Variants in RP1 observed in about 807,000 individuals in gnomAD.
RP1 encodes oxygen-regulated protein 1.
Under a neutral mutation model 14.8 loss-of-function variants are expected in RP1, and 16 were observed. The ratio of observed to expected loss-of-function variants is 1.08; its 90% CI spans 0.73 to 1.65. The LOEUF is 1.65. Among genes scored for constraint, RP1 ranks in the 40% most tolerant of loss-of-function variants. The pLI is 0.00. For missense variants in RP1, 2,631 were observed against 2,535.0 expected (o/e 1.04, Z -0.81); for synonymous variants, 876 against 883.6 (o/e 0.99, Z 0.15).
intron 3 of RP1, among the ~76,000 whole-genome samples, chr8:54,641,816 G>C (rs986659959): frequency 7.9e-5 from 12 of 152,134 alleles, no homozygotes; most frequent in African/African-American, 2.9e-4. Flanking sequence ...TCTCCTAAAG[G>C]CCATGTGAGG....
chr8:54,783,245 A>G (rs1810232662), intron 23 of RP1, among the ~76,000 whole-genome samples: 1 of 151,978 alleles, frequency 6.6e-6, no homozygotes, highest in Non-Finnish European at 1.5e-5. Flanking sequence ...GCCTAAATAA[A>G]CTCCTAAGTA....
intron 16 of RP1, among the ~76,000 whole-genome samples, chr8:54,724,157 A>G (rs1392038891): frequency 1.3e-5 from 2 of 152,228 alleles, no homozygotes; most frequent in Non-Finnish European, 2.9e-5. Context: ...AAATACTGTC[A>G]TATATCCAAT....
intron 24 of RP1, among the ~76,000 whole-genome samples, chr8:54,793,307 G>C (rs2129385518): frequency 6.6e-6 from 1 of 151,904 alleles, no homozygotes; most frequent in East Asian, 1.9e-4. Context: ...AAAGTGGAGG[G>C]AATACTTCCA....
intron 3 of RP1, among the ~76,000 whole-genome samples, chr8:54,641,615 A>T (rs1806456219): frequency 6.6e-6 from 1 of 152,162 alleles, no homozygotes; most frequent in South Asian, 2.1e-4. Flanking sequence ...TTGTATATTT[A>T]AGCTTTTTTG....
chr8:54,595,784 G>C, intron 1 of RP1, among the ~76,000 whole-genome samples: 1 of 152,160 alleles, frequency 6.6e-6, no homozygotes, highest in Non-Finnish European at 1.5e-5. Context: ...GAGGATAGCT[G>C]TATTTACTAT....
intron 19 of RP1, among the ~76,000 whole-genome samples, chr8:54,753,731 C>A (rs2129366260): frequency 6.6e-6 from 1 of 151,962 alleles, no homozygotes; most frequent in African/African-American, 2.4e-5. Flanking sequence ...GTAGGAAGGA[C>A]TGTTGAAAAA....
chr8:54,834,475 T>G (rs995349167), intron 24 of RP1, among the ~76,000 whole-genome samples: 2 of 152,042 alleles, frequency 1.3e-5, no homozygotes, highest in Non-Finnish European at 2.9e-5. Flanking sequence ...GACCCCTGTT[T>G]AGTTTCAGAA....
exon 6 of RP1, chr8:54,656,181 T>A (rs1043356785): frequency 3.9e-6 from 6 of 1,535,828 alleles, no homozygotes; most frequent in Non-Finnish European, 5.2e-6. Flanking sequence ...GTCGAGAATT[T>A]CCTCTTTTAA....
At chr8:54,609,632 G>C (rs2129309276) in intron 1 of RP1, among the ~76,000 whole-genome samples, 1 of 152,204 alleles carries the variant, frequency 6.6e-6, no homozygotes, top group East Asian at 1.9e-4. Context: ...CTATTTCACA[G>C]CTTCTCCTGT....
At chr8:54,602,446 T>A (rs1805315307) in intron 1 of RP1, among the ~76,000 whole-genome samples, 1 of 152,230 alleles carries the variant, frequency 6.6e-6, no homozygotes, top group South Asian at 2.1e-4. Context: ...TTGTTGGACA[T>A]TTGGGTTGGT....
At chr8:54,714,673 GTAA>G (rs1808361917) in intron 15 of RP1, among the ~76,000 whole-genome samples, 1 of 152,144 alleles carries the variant, frequency 6.6e-6, no homozygotes. Context: ...GTTAATCTGA[GTAA>G]TAATAAAACT....
At chr8:54,668,521 A>G (rs185435531) in intron 7 of RP1, among the ~76,000 whole-genome samples, 1 of 152,322 alleles carries the variant, frequency 6.6e-6, no homozygotes, top group East Asian at 1.9e-4. Context: ...AATGGAAAAT[A>G]CTACCTTCAA....
intron 21 of RP1, among the ~76,000 whole-genome samples, chr8:54,756,132 A>G (rs1809499927): frequency 6.6e-6 from 1 of 152,254 alleles, no homozygotes; most frequent in African/African-American, 2.4e-5. Flanking sequence ...AAATGCCATT[A>G]TACTATATTT....
intron 14 of RP1, among the ~76,000 whole-genome samples, chr8:54,706,194 C>A (rs1323305735): frequency 6.6e-6 from 1 of 152,032 alleles, no homozygotes; most frequent in Non-Finnish European, 1.5e-5. Flanking sequence ...TGTTTTGTAT[C>A]TTTTAAAAAT....
At chr8:54,706,460 T>G (rs1487102255) in exon 15 of RP1, 1 of 1,535,838 alleles carries the variant, frequency 6.5e-7, no homozygotes, top group Non-Finnish European at 8.7e-7. Flanking sequence ...TCCTCAACAG[T>G]GCTGTGGTTC....
At chr8:54,587,050 G>A (rs1000825034) in intron 1 of RP1, among the ~76,000 whole-genome samples, 1 of 152,210 alleles carries the variant, frequency 6.6e-6, no homozygotes, top group Non-Finnish European at 1.5e-5. Context: ...CAGTACCTCA[G>A]TTGGAAATGC....
chr8:54,792,327 A>T (rs1810483200), intron 24 of RP1, among the ~76,000 whole-genome samples: 1 of 151,994 alleles, frequency 6.6e-6, no homozygotes, highest in South Asian at 2.1e-4. Context: ...ACTGATGAGG[A>T]AACCATGGGT....
At chr8:54,771,199 G>A (rs1403840599), downstream of RP1, among the ~76,000 whole-genome samples, 5 of 152,088 alleles carry the variant, frequency 3.3e-5, no homozygotes, top group South Asian at 2.1e-4. Flanking sequence ...TCTTAGGATG[G>A]TCATAATTTT....
chr8:54,609,572 C>T (rs533291668), intron 1 of RP1, among the ~76,000 whole-genome samples: 1 of 152,314 alleles, frequency 6.6e-6, no homozygotes, highest in East Asian at 1.9e-4. Context: ...ATGCCCCCCA[C>T]AAGCCTACTA....
Sources: gnomAD v4.1 joint callset for allele counts (sites outside exome capture counted in the v4.1 genomes callset) on GRCh38, gnomAD v4.1.1 for gene constraint, MANE v1.5 for transcripts, NCBI Gene and HGNC (gene_info 2026-07-23, HGNC 2026-07-21) for gene names.